The following MAD1L1 variants were observed in gnomAD, a reference collection of about 807,000 sequenced individuals.
The protein encoded by MAD1L1 is mitotic arrest deficient 1 like 1, also known as mitotic spindle assembly checkpoint protein MAD1.
MAD1L1 carries 95 observed loss-of-function variants against 96.9 expected under a neutral mutation model. The ratio of observed to expected loss-of-function variants is 0.98; its 90% confidence interval spans 0.83 to 1.16. MAD1L1 has a LOEUF of 1.16. Ranked by LOEUF, MAD1L1 falls within the 50% of genes most tolerant of loss-of-function variation. The probability of loss-of-function intolerance (pLI) is 0.00; values close to 1 mark genes in which losing one functional copy is unlikely to be tolerated. For missense variants in MAD1L1, 1,007 were observed against 954.4 expected (o/e 1.06, Z -0.73); for synonymous variants, 473 against 396.6 (o/e 1.19, Z -2.29).
rs192587778 is a variant in MAD1L1 at position 2,108,955 on chromosome 7, G to A, written c.1074-39617C>T. Among the ~76,000 whole-genome samples the A allele has an allele frequency of 8.3e-4, 127 of 152,372 alleles. 2 individuals carry two copies. Among genetic ancestry groups the A allele is most frequent in the Non-Finnish European group, 1.4e-3 (96 of 68,034 alleles). On this transcript the variant is annotated intron_variant, in intron 11 of 18. Transcript: ENST00000265854. The stretch of plus-strand genomic sequence containing the variant: ...GCCCCCGCGAGGGCTCGCAGGAAGA[G>A]CACGGGACAGACCAAACAGGCGCTA...
In MAD1L1 at chr7:2,102,352, TCAC is replaced by T. The variant is rs529725244; in HGVS notation, c.1074-33017_1074-33015del. 1.2e-4 allele frequency among the ~76,000 whole-genome samples: 16 copies of T among 138,260 alleles called. No homozygotes were observed. In the South Asian group the frequency reaches 1.9e-3, roughly 17 times the overall value. The allele number at this position is 138,260 out of a possible 152,430, so 90.7% of individuals were successfully genotyped here. ...ACCATCACCATCACCACCGCCACCA[TCAC>T]CACCGTCACTATCACCACCGTCACC... On this transcript the variant is annotated intron_variant, in intron 11 of 18. Coordinates refer to ENST00000265854, the MANE Select transcript of MAD1L1 (RefSeq NM_001013836.2).
At chr7:2,147,625 C>A (rs570265334) in intron 11 of MAD1L1, among the ~76,000 whole-genome samples, 3 of 152,344 alleles carry the variant, frequency 2.0e-5, no homozygotes, top group East Asian at 1.9e-4. Context: ...CCAAGACTCA[C>A]CCTTCCCCAG....
chr7:1,815,858 C>G lies in MAD1L1; in HGVS notation c.*212G>C, dbSNP rs558707173. On this transcript the variant is annotated 3_prime_UTR_variant, in exon 19 of 19. Transcript: ENST00000265854. Reference sequence around the variant, plus strand: ...CAGGCTGGTGGCCGACGCCCACACACCAGGCTCCGGGACGCATGGGGTCTG... The same window carrying G: ...CAGGCTGGTGGCCGACGCCCACACAGCAGGCTCCGGGACGCATGGGGTCTG... 3.9e-4 allele frequency: 217 copies of G among 550,346 alleles called. 7 individuals carry two copies. In the South Asian group the frequency reaches 5.4e-3, roughly 14 times the overall value. The allele number at this position is 550,346 out of a possible 1,614,324, so 34.1% of individuals were successfully genotyped here. A position where few individuals can be genotyped will look rare whatever the true frequency, so the allele number is the denominator to read the frequency against.
intron 10 of MAD1L1, among the ~76,000 whole-genome samples, chr7:2,195,043 A>G (rs1480377528): frequency 6.6e-6 from 1 of 151,924 alleles, no homozygotes; most frequent in Non-Finnish European, 1.5e-5. Flanking sequence ...AGCAGAGATC[A>G]TGCCACTGCA....
intron 13 of MAD1L1, among the ~76,000 whole-genome samples, chr7:2,005,227 G>A (rs754558519): frequency 2.0e-5 from 3 of 152,116 alleles, no homozygotes; most frequent in South Asian, 4.2e-4. Flanking sequence ...GAAGACAGAC[G>A]GCTTACAGAC....
chr7:2,214,383 C>T (rs1197197982), intron 9 of MAD1L1, among the ~76,000 whole-genome samples: 1 of 152,234 alleles, frequency 6.6e-6, no homozygotes, highest in East Asian at 1.9e-4. Context: ...CAGATACCCC[C>T]GCTGACAGGG....
intron 12 of MAD1L1, among the ~76,000 whole-genome samples, chr7:2,061,978 C>G (rs1017404016): frequency 6.6e-6 from 1 of 152,178 alleles, no homozygotes; most frequent in Admixed American, 6.5e-5. Flanking sequence ...CAGTGGCTCA[C>G]GCCTGTAATC....
chr7:2,070,536 G>A (rs1032407905), intron 11 of MAD1L1, among the ~76,000 whole-genome samples: 3 of 152,228 alleles, frequency 2.0e-5, no homozygotes, highest in Non-Finnish European at 4.4e-5. Flanking sequence ...AGGCCACACC[G>A]GGGAGGGTGC....
At chr7:1,847,905 CACGCAGCTGCTCACCT>C (rs1161569197) in intron 18 of MAD1L1, 1 of 358,130 alleles carries the variant, frequency 2.8e-6, no homozygotes, top group Non-Finnish European at 5.6e-6. Flanking sequence ...CACTCTCACC[CACGCAGCTGCTCACCT>C]ACACAGCCGG....
chr7:1,882,026 C>T (rs867937293), intron 18 of MAD1L1, among the ~76,000 whole-genome samples: 9 of 152,144 alleles, frequency 5.9e-5, no homozygotes, highest in African/African-American at 1.7e-4. Context: ...TCTAAGGGAC[C>T]GAGAATCACT....
chr7:2,153,283 T>TAATA (rs1789669958), intron 10 of MAD1L1, among the ~76,000 whole-genome samples: 1 of 152,084 alleles, frequency 6.6e-6, no homozygotes, highest in Non-Finnish European at 1.5e-5. Context: ...CTGTCAACTC[T>TAATA]TCGGCCAATA....
At chr7:1,911,093 C>T (rs1476978851) in intron 17 of MAD1L1, among the ~76,000 whole-genome samples, 2 of 152,218 alleles carry the variant, frequency 1.3e-5, no homozygotes, top group East Asian at 1.9e-4. Flanking sequence ...CTAAGTGCTA[C>T]TCCCACAGTT....
intron 16 of MAD1L1, among the ~76,000 whole-genome samples, chr7:1,957,128 C>T (rs904611273): frequency 3.9e-5 from 6 of 152,156 alleles, no homozygotes; most frequent in Admixed American, 1.3e-4. Flanking sequence ...TCGGAGCCGC[C>T]CATCACCACA....
At chr7:2,084,748 C>A (rs1212240288) in intron 11 of MAD1L1, among the ~76,000 whole-genome samples, 1 of 152,296 alleles carries the variant, frequency 6.6e-6, no homozygotes. Flanking sequence ...CCCCAGATAA[C>A]CCTGGGAGCC....
chr7:1,929,830 G>A (rs71523286), intron 17 of MAD1L1, among the ~76,000 whole-genome samples: 14 of 1,142 alleles, frequency 0.012, no homozygotes, highest in East Asian at 0.071. Flanking sequence ...CCCCTGCCCC[G>A]TCCCCACTGC....
chr7:1,961,751 T>G (rs1348507576), intron 15 of MAD1L1, among the ~76,000 whole-genome samples: 1 of 152,228 alleles, frequency 6.6e-6, no homozygotes, highest in Non-Finnish European at 1.5e-5. Flanking sequence ...GGGAGGGATA[T>G]GGTGGGAGAT....
intron 12 of MAD1L1, among the ~76,000 whole-genome samples, chr7:2,054,785 G>A (rs1022539249): frequency 2.0e-5 from 3 of 152,226 alleles, no homozygotes; most frequent in African/African-American, 7.2e-5. Flanking sequence ...CCAGGTGTAC[G>A]TGGAGGGATG....
intron 10 of MAD1L1, 149 bp from the exon 11 acceptor site, chr7:2,149,387 G>A (rs550840420): frequency 1.5e-6 from 1 of 684,014 alleles, no homozygotes; most frequent in Non-Finnish European, 2.7e-6. Context: ...GTCCAGGGCA[G>A]CATGCACGCA....
intron 11 of MAD1L1, among the ~76,000 whole-genome samples, chr7:2,087,040 G>T (rs1227687195): frequency 6.6e-6 from 1 of 152,176 alleles, no homozygotes; most frequent in Non-Finnish European, 1.5e-5. Flanking sequence ...TGGAGAAACT[G>T]GGCTTCAAAC....
Sources: gnomAD v4.1 joint callset for allele counts (sites outside exome capture counted in the v4.1 genomes callset) on GRCh38, gnomAD v4.1.1 for gene constraint, MANE v1.5 for transcripts, NCBI Gene and HGNC (gene_info 2026-07-23, HGNC 2026-07-21) for gene names.